The following FAM171A1 variants were observed in gnomAD, a reference collection of about 807,000 sequenced individuals.
The protein encoded by FAM171A1 is protein FAM171A1.
FAM171A1 carries 23 observed loss-of-function variants against 74.9 expected under a neutral mutation model. That is an observed-to-expected ratio of 0.31 (90% confidence interval 0.22 to 0.44). FAM171A1 has a LOEUF of 0.44. Ranked by LOEUF, FAM171A1 falls within the 20% of genes least tolerant of loss-of-function variation. FAM171A1 has a pLI of 1.00. For missense variants in FAM171A1, 1,162 were observed against 1,159.2 expected (o/e 1.00, Z -0.03); for synonymous variants, 527 against 505.7 (o/e 1.04, Z -0.57).
At chr10:15,216,877 C>G (rs4474342) in intron 6 of FAM171A1, among the ~76,000 whole-genome samples, 1 of 150,996 alleles carries the variant, frequency 6.6e-6, no homozygotes, top group Non-Finnish European at 1.5e-5. Context: ...TCGCTTTTCC[C>G]GGGCAGTCAA....
intron 3 of FAM171A1, among the ~76,000 whole-genome samples, chr10:15,267,789 G>A (rs949137026): frequency 9.2e-5 from 14 of 152,208 alleles, no homozygotes; most frequent in Admixed American, 5.2e-4. Context: ...GCCATGAGGA[G>A]CAGAACACGG....
chr10:15,289,582 A>G (rs1564634059), intron 1 of FAM171A1, among the ~76,000 whole-genome samples: 1 of 152,100 alleles, frequency 6.6e-6, no homozygotes, highest in African/African-American at 2.4e-5. Context: ...TTACCAAAAC[A>G]GTCACCCTCT....
rs1253933589 is a variant in FAM171A1 at position 15,216,100 on chromosome 10, T to C, written c.882A>G (p.Val294=). 2 of 1,593,684 alleles carry C rather than the reference T, an allele frequency of 1.3e-6. No homozygotes were observed. The highest frequency in any genetic ancestry group is 1.7e-6 in the Non-Finnish European group (2 of 1,174,964). Residue 294 remains valine, a synonymous_variant, in exon 7 of 8, where the codon GTA becomes GTG. Coordinates refer to ENST00000378116, the MANE Select transcript of FAM171A1 (RefSeq NM_001010924.2). ...AMSPPIPGPV[V]TQDITTYHTV... ...TGTGATACGTGGTAATGTCCTGTGT[T>C]ACAACGGGACCTAGAAGGTCAGAAA...
At chr10:15,216,852 T>C (rs1256476446) in intron 6 of FAM171A1, among the ~76,000 whole-genome samples, 3 of 147,826 alleles carry the variant, frequency 2.0e-5, no homozygotes, top group South Asian at 4.3e-4. Flanking sequence ...AAAAAAACCC[T>C]ACAAAGTTTT....
chr10:15,217,404 C>T (rs1448892324), intron 6 of FAM171A1, among the ~76,000 whole-genome samples: 1 of 152,118 alleles, frequency 6.6e-6, no homozygotes, highest in African/African-American at 2.4e-5. Context: ...TTTTGACATT[C>T]TAAGACATAG....
upstream of FAM171A1, among the ~76,000 whole-genome samples, chr10:15,372,540 A>G (rs894175990): frequency 3.4e-3 from 27 of 7,928 alleles, no homozygotes; most frequent in African/African-American, 3.5e-3. Flanking sequence ...TACCAAAAAT[A>G]CAAAAAAATT....
At chr10:15,272,585 A>G (rs1834840817) in intron 3 of FAM171A1, among the ~76,000 whole-genome samples, 1 of 152,246 alleles carries the variant, frequency 6.6e-6, no homozygotes, top group Non-Finnish European at 1.5e-5. Context: ...TCAACAGAAT[A>G]TACATTCTTC....
intron 1 of FAM171A1, among the ~76,000 whole-genome samples, chr10:15,350,827 G>C (rs1588566800): frequency 6.6e-6 from 1 of 152,084 alleles, no homozygotes; most frequent in Non-Finnish European, 1.5e-5. Context: ...ATTTTTAATA[G>C]AGACAGGGTT....
At chr10:15,253,967 T>C (rs1261053801) in intron 4 of FAM171A1, among the ~76,000 whole-genome samples, 1 of 152,202 alleles carries the variant, frequency 6.6e-6, no homozygotes, top group East Asian at 1.9e-4. Context: ...TTCTGGTGGA[T>C]GGCTTTTAGT....
At chr10:15,301,265 T>C (rs1240865123) in intron 1 of FAM171A1, among the ~76,000 whole-genome samples, 2 of 152,052 alleles carry the variant, frequency 1.3e-5, no homozygotes, top group Non-Finnish European at 2.9e-5. Context: ...CTCTGTCTTC[T>C]GGGTTCAAGC....
At chr10:15,364,391 G>C (rs1836033792) in intron 1 of FAM171A1, among the ~76,000 whole-genome samples, 1 of 152,136 alleles carries the variant, frequency 6.6e-6, no homozygotes, top group Admixed American at 6.5e-5. Context: ...GGTCCCCAAG[G>C]ATCCCTGTCA....
At chr10:15,289,750 C>T (rs953909947) in intron 1 of FAM171A1, among the ~76,000 whole-genome samples, 1 of 152,236 alleles carries the variant, frequency 6.6e-6, no homozygotes, top group South Asian at 2.1e-4. Flanking sequence ...ATGTGGCCTG[C>T]TGCCTGCTTT....
chr10:15,307,646 CAAAAAAAAAAA>C (rs560861841), intron 1 of FAM171A1, among the ~76,000 whole-genome samples: 58 of 93,168 alleles, frequency 6.2e-4, no homozygotes, highest in African/African-American at 2.6e-3. Flanking sequence ...AACTCCATTT[CAAAAAAAAAAA>C]AAAAAAAAAA....
intron 1 of FAM171A1, among the ~76,000 whole-genome samples, chr10:15,333,779 T>A (rs1835669010): frequency 1.4e-5 from 2 of 147,538 alleles, no homozygotes; most frequent in African/African-American, 5.0e-5. Context: ...GAGGTTGCAG[T>A]GTAGTGATTG....
chr10:15,349,057 C>T (rs938050421), intron 1 of FAM171A1, among the ~76,000 whole-genome samples: 1 of 152,126 alleles, frequency 6.6e-6, no homozygotes, highest in African/African-American at 2.4e-5. Context: ...TTTTCACATT[C>T]GATTTATATC....
At chr10:15,333,136 G>A (rs1414510668) in intron 1 of FAM171A1, among the ~76,000 whole-genome samples, 2 of 152,172 alleles carry the variant, frequency 1.3e-5, no homozygotes, top group Non-Finnish European at 2.9e-5. Context: ...TCCCTTCAGA[G>A]TCCACTCAAC....
intron 5 of FAM171A1, chr10:15,237,797 C>T (rs1391735403): frequency 6.6e-6 from 1 of 151,298 alleles, no homozygotes; most frequent in East Asian, 1.9e-4. Context: ...CCCTACCGGT[C>T]TCATTAAAGC....
chr10:15,268,515 CA>C (rs1481010275), intron 3 of FAM171A1, among the ~76,000 whole-genome samples: 1 of 151,802 alleles, frequency 6.6e-6, no homozygotes, highest in African/African-American at 2.4e-5. Flanking sequence ...ACGGGAAGGC[CA>C]AAAATATCAA....
In FAM171A1 at chr10:15,212,790, G is replaced by T; in HGVS notation, c.*125C>A. 1 of 1,220,650 alleles carries T rather than the reference G, an allele frequency of 8.2e-7. No homozygotes were observed. The highest frequency in any genetic ancestry group is 1.1e-6 in the Non-Finnish European group (1 of 873,816). The allele number at this position is 1,220,650 out of a possible 1,614,324, so 75.6% of individuals were successfully genotyped here. On this transcript the variant is annotated 3_prime_UTR_variant, in exon 8 of 8. Coordinates refer to ENST00000378116, the MANE Select transcript of FAM171A1 (RefSeq NM_001010924.2). ...CATTTACACGGCAAACAGGAATGCA[G>T]TAAACGTCCACGTCCGTCCCACGGC...
Sources: allele counts gnomAD v4.1 joint callset (sites outside exome capture counted in the v4.1 genomes callset), GRCh38; gene constraint gnomAD v4.1.1; transcripts MANE v1.5; gene names NCBI Gene and HGNC (gene_info 2026-07-23, HGNC 2026-07-21).